GK5: variants seen among roughly 807,000 people sequenced by gnomAD.
The protein encoded by GK5 is ATP:glycerol 3-phosphotransferase 5.
GK5 carries 39 observed loss-of-function variants against 77.3 expected under a neutral mutation model. That is an observed-to-expected ratio of 0.50 (90% CI 0.39 to 0.66). GK5 has a LOEUF of 0.66. Ranked by LOEUF, GK5 falls within the 30% of genes least tolerant of loss-of-function variation. GK5 has a pLI of 0.00. For missense variants in GK5, 487 were observed against 633.8 expected (o/e 0.77, Z 2.49); for synonymous variants, 211 against 208.0 (o/e 1.01, Z -0.13).
chr3:142,221,581 C>T (rs1321781474), intron 1 of GK5, among the ~76,000 whole-genome samples: 2 of 152,172 alleles, frequency 1.3e-5, no homozygotes, highest in African/African-American at 4.8e-5. Flanking sequence ...CAAGCATGTA[C>T]ATAGAGTACA....
At chr3:142,214,120 G>T (rs550309146) in intron 2 of GK5, among the ~76,000 whole-genome samples, 4 of 152,156 alleles carry the variant, frequency 2.6e-5, no homozygotes, top group Admixed American at 6.5e-5. Context: ...CACTGTGCCC[G>T]GCCTTAAAGG....
rs1000861932 is a variant in GK5 at position 142,157,962 on chromosome 3, T to G, written c.*7660A>C. The stretch of plus-strand genomic sequence containing the variant: ...TTGTTGTTGTTGTTGTTTTTGTTTT[T>G]TTTTTTTGAGATGGAGTCTCACTCT... On this transcript the variant is annotated 3_prime_UTR_variant, in exon 16 of 16. Transcript: ENST00000392993. The G allele has an allele frequency of 6.6e-6, 1 of 151,696 alleles. No individual in the cohort carries two copies. The highest frequency in any genetic ancestry group is 1.5e-5 in the Non-Finnish European group (1 of 68,006). The allele number at this position is 151,696 out of a possible 1,614,324, so 9.4% of individuals were successfully genotyped here. A position where few individuals can be genotyped will look rare whatever the true frequency, so the allele number is the denominator to read the frequency against.
intron 11 of GK5, among the ~76,000 whole-genome samples, chr3:142,180,984 G>A (rs2063689676): frequency 2.0e-5 from 3 of 152,186 alleles, no homozygotes; most frequent in South Asian, 2.1e-4. Context: ...AATGAGGGGC[G>A]GATCCAAATA....
chr3:142,185,993 C>G lies in GK5; in HGVS notation c.756-4G>C, dbSNP rs553575314. The stretch of plus-strand genomic sequence containing the variant: ...ATCCACTGATCCAAAATTGTGGCTT[C>G]AAATAAAATTCATTAAAAAGTTAGT... On this transcript the variant is annotated splice_region_variant and splice_polypyrimidine_tract_variant and intron_variant, in intron 8 of 15. Transcript: ENST00000392993. 1 of 1,599,852 alleles carries G rather than the reference C, an allele frequency of 6.3e-7. No homozygotes were observed. The highest frequency in any genetic ancestry group is 8.5e-7 in the Non-Finnish European group (1 of 1,170,608).
rs1229338251 is a variant in GK5 at position 142,157,649 on chromosome 3, T to C, written c.*7973A>G. ...TTTAACATCTGCTAGGCTAATTCCA[T>C]CATATTAGTATATGAAATTATCTTT... On this transcript the variant is annotated 3_prime_UTR_variant, in exon 16 of 16. Coordinates refer to ENST00000392993, the MANE Select transcript of GK5 (RefSeq NM_001039547.3). 1 of 152,234 alleles carries C rather than the reference T, an allele frequency of 6.6e-6. No homozygotes were observed. Among genetic ancestry groups the C allele is most frequent in the African/African-American group, 2.4e-5 (1 of 41,466 alleles). 9.4% of individuals were successfully genotyped at this position (152,234 alleles called of 1,614,324 possible).
At chr3:142,216,117 C>T (rs1282001025) in intron 1 of GK5, among the ~76,000 whole-genome samples, 1 of 152,116 alleles carries the variant, frequency 6.6e-6, no homozygotes, top group East Asian at 1.9e-4. Context: ...CCATTGTGGA[C>T]TCTTAAAAAG....
Position 142,159,270 on chromosome 3 carries a change from G to A in GK5, c.*6352C>T, listed in dbSNP as rs548227880. The A allele has an allele frequency of 6.6e-6, 1 of 152,300 alleles. No homozygotes were observed. The highest frequency in any genetic ancestry group is 2.1e-4 in the South Asian group (1 of 4,822). The allele number at this position is 152,300 out of a possible 1,614,324, so 9.4% of individuals were successfully genotyped here. A position where few individuals can be genotyped will look rare whatever the true frequency, so the allele number is the denominator to read the frequency against. ...TGGATCACTCATACATTCCTGGTGG[G>A]AATGTAAGATGGTATAGCCAGTCTG... On this transcript the variant is annotated 3_prime_UTR_variant, in exon 16 of 16. Coordinates refer to ENST00000392993, the MANE Select transcript of GK5 (RefSeq NM_001039547.3).
In GK5 at chr3:142,198,806, G is replaced by A; in HGVS notation, c.539C>T (p.Thr180Ile). The A allele has an allele frequency of 1.9e-6, 3 of 1,609,064 alleles. No homozygotes were observed. Among genetic ancestry groups the A allele is most frequent in the Non-Finnish European group, 2.5e-6 (3 of 1,178,174 alleles). ...ATACACACAGTATTTTCTTACCTCA[G>A]TCAAGTTCTGTAAAATCCAGACCAA... Reference protein sequence around the residue: ...LRLVWILQNLTEVQKAVEEEN... With the variant: ...LRLVWILQNLIEVQKAVEEEN... The change falls in exon 5 of 16, where the codon ACT becomes ATT. Residue 180 changes from threonine to isoleucine, a missense_variant. Transcript: ENST00000392993.
chr3:142,216,073 CA>C (rs1560238204), intron 1 of GK5, among the ~76,000 whole-genome samples: 1 of 152,156 alleles, frequency 6.6e-6, no homozygotes, highest in African/African-American at 2.4e-5. Context: ...CCGCTAAATA[CA>C]AATATAACAC....
intron 4 of GK5, among the ~76,000 whole-genome samples, chr3:142,202,956 T>C (rs1191562442): frequency 2.6e-5 from 4 of 152,294 alleles, no homozygotes; most frequent in South Asian, 4.1e-4. Context: ...ATATGAGACA[T>C]ATTACAGAAG....
intron 9 of GK5, chr3:142,185,482 T>C: frequency 6.1e-6 from 6 of 988,494 alleles, no homozygotes; most frequent in Non-Finnish European, 6.0e-6. Context: ...TGGTAGATGA[T>C]GGCTAAGGAC....
In GK5 at chr3:142,162,077, G is replaced by A. The variant is rs1357628800; in HGVS notation, c.*3545C>T. ...GGCCTCCCAAAGTGCTAGGATTACAGGTGTGAGCCACTGTGCCCAGCTGAG... is the reference window on the plus strand; with the variant it reads ...GGCCTCCCAAAGTGCTAGGATTACAAGTGTGAGCCACTGTGCCCAGCTGAG... On this transcript the variant is annotated 3_prime_UTR_variant, in exon 16 of 16. Transcript: ENST00000392993. 2 of 152,234 alleles carry A rather than the reference G, an allele frequency of 1.3e-5. No individual in the cohort carries two copies. The highest frequency in any genetic ancestry group is 2.9e-5 in the Non-Finnish European group (2 of 68,052). 9.4% of individuals were successfully genotyped at this position (152,234 alleles called of 1,614,324 possible). A position where few individuals can be genotyped will look rare whatever the true frequency, so the allele number is the denominator to read the frequency against.
chr3:142,214,301 CAAG>C (rs2107797439), intron 2 of GK5, among the ~76,000 whole-genome samples: 1 of 152,212 alleles, frequency 6.6e-6, no homozygotes, highest in African/African-American at 2.4e-5. Context: ...GGAAAACTCT[CAAG>C]GAAAGTAGTC....
intron 5 of GK5, among the ~76,000 whole-genome samples, chr3:142,191,037 A>G (rs1405318654): frequency 6.7e-6 from 1 of 149,450 alleles, no homozygotes; most frequent in Non-Finnish European, 1.5e-5. Flanking sequence ...AGCCAAAAAG[A>G]AGTATAAATA....
chr3:142,168,255 C>T (rs2063495925), intron 15 of GK5, among the ~76,000 whole-genome samples: 3 of 152,056 alleles, frequency 2.0e-5, no homozygotes, highest in African/African-American at 7.2e-5. Flanking sequence ...TCTAAGTTTG[C>T]TCAATCAGGC....
At chr3:142,213,709 T>A (rs13085494) in intron 2 of GK5, 108 bp from the exon 3 acceptor site, 140,086 of 674,642 alleles carry the variant, frequency 0.21, 16,565 homozygotes, top group African/African-American at 0.41. Flanking sequence ...GAAAAATACC[T>A]GGGTTTAGCA....
At chr3:142,199,428 G>A (rs1314355803) in intron 4 of GK5, among the ~76,000 whole-genome samples, 1 of 152,120 alleles carries the variant, frequency 6.6e-6, no homozygotes, top group Non-Finnish European at 1.5e-5. Context: ...CTTTGATTTT[G>A]AAGGCTCATA....
At chr3:142,189,626 A>C (rs1236210783) in intron 5 of GK5, among the ~76,000 whole-genome samples, 1 of 152,144 alleles carries the variant, frequency 6.6e-6, no homozygotes, top group East Asian at 1.9e-4. Context: ...GGCCCTTAGG[A>C]GGCTAGGGTG....
chr3:142,176,384 G>A (rs916490433), intron 12 of GK5, among the ~76,000 whole-genome samples: 20 of 151,934 alleles, frequency 1.3e-4, no homozygotes, highest in African/African-American at 4.3e-4. Context: ...AAAAATATTT[G>A]GAGGAGGATT....
Sources: allele counts gnomAD v4.1 joint callset (sites outside exome capture counted in the v4.1 genomes callset), GRCh38; gene constraint gnomAD v4.1.1; transcripts MANE v1.5; gene names NCBI Gene and HGNC (gene_info 2026-07-23, HGNC 2026-07-21).